The following HNRNPUL1 variants were observed in gnomAD, a reference collection of about 807,000 sequenced individuals.
HNRNPUL1 encodes heterogeneous nuclear ribonucleoprotein U like 1.
HNRNPUL1 carries 14 observed loss-of-function variants against 108.5 expected under a neutral mutation model. That is an observed-to-expected ratio of 0.13 (90% CI 0.09 to 0.20). The LOEUF is 0.20. Ranked by LOEUF, HNRNPUL1 falls within the 10% of genes least tolerant of loss-of-function variation. The probability of loss-of-function intolerance (pLI) is 1.00; values close to 1 mark genes in which losing one functional copy is unlikely to be tolerated. For missense variants in HNRNPUL1, 804 were observed against 1,168.3 expected (o/e 0.69, Z 4.55); for synonymous variants, 422 against 445.2 (o/e 0.95, Z 0.66).
rs1338328972 is a variant in HNRNPUL1, at chr19:41,294,507, G to A, written c.1389+47G>A. The A allele has an allele frequency of 1.2e-6, 2 of 1,613,706 alleles. No individual in the cohort carries two copies. The highest frequency in any genetic ancestry group is 1.3e-5 in the African/African-American group (1 of 74,926). On this transcript the variant is annotated intron_variant, in intron 9 of 14. Transcript: ENST00000392006. The surrounding 1 kb of genome is among the most constrained non-coding windows in gnomAD (Gnocchi z 4.3). ...TCCTTACTCACCTCCAACCTACTGAGTGCTGCCCTGCAACTAAAATCACTC... is the reference window on the plus strand; with the variant it reads ...TCCTTACTCACCTCCAACCTACTGAATGCTGCCCTGCAACTAAAATCACTC...
intron 7 of HNRNPUL1, chr19:41,291,799 A>G (rs1002084192): frequency 1.0e-4 from 17 of 165,340 alleles, no homozygotes; most frequent in African/African-American, 3.6e-4. Context: ...CCTGGGCAAC[A>G]TAACAAGACC....
At chr19:41,276,115 A>G in intron 4 of HNRNPUL1, 44 bp from the exon 5 acceptor site, 2 of 1,613,146 alleles carry the variant, frequency 1.2e-6, no homozygotes, top group Non-Finnish European at 1.7e-6. Context: ...AGAAAACAAA[A>G]CAAAATAAAA....
At chr19:41,301,480 GA>G in intron 10 of HNRNPUL1, 55 bp from the exon 11 acceptor site, 1 of 1,522,920 alleles carries the variant, frequency 6.6e-7, no homozygotes, top group Non-Finnish European at 8.9e-7. Context: ...CCCCTCAGAG[GA>G]AAAAACCAAC....
chr19:41,263,040 C>CAAAAAAAAAAAAAAAAAAAAA (rs761873641), upstream of HNRNPUL1: 1 of 59,216 alleles, frequency 1.7e-5, no homozygotes. Context: ...GACTCCGTCT[C>CAAAAAAAAAAAAAAAAAAAAA]AAAAAAAAAA....
intron 7 of HNRNPUL1, among the ~76,000 whole-genome samples, chr19:41,282,292 C>T (rs1412533685): frequency 6.6e-6 from 1 of 152,134 alleles, no homozygotes; most frequent in Non-Finnish European, 1.5e-5. Context: ...AAGCGATTCT[C>T]CTGCCTCAGC....
At chr19:41,282,810 C>T (rs1470951047) in intron 7 of HNRNPUL1, among the ~76,000 whole-genome samples, 2 of 149,926 alleles carry the variant, frequency 1.3e-5, no homozygotes. Flanking sequence ...CTGCCTCAGC[C>T]TCCCAAGTAG....
At chr19:41,263,659 T>C (rs888725401), upstream of HNRNPUL1, among the ~76,000 whole-genome samples, 4 of 152,244 alleles carry the variant, frequency 2.6e-5, no homozygotes, top group Admixed American at 2.6e-4. Context: ...TTACGAACTG[T>C]GTATCCACTT....
rs368980177 is a variant in HNRNPUL1 at position 41,282,317 on chromosome 19, G to T, written c.999+1042G>T. On this transcript the variant is annotated intron_variant, in intron 7 of 14. Coordinates refer to ENST00000392006, the MANE Select transcript of HNRNPUL1 (RefSeq NM_007040.6). The stretch of plus-strand genomic sequence containing the variant: ...CCTGCCTCAGCCCCCTGAGTAGCTG[G>T]GATTGCAGGCATGCACCACTACACC... Among the ~76,000 whole-genome samples the T allele has an allele frequency of 8.5e-4, 130 of 152,098 alleles. 1 individual carries two copies. The highest frequency in any genetic ancestry group is 3.1e-3 in the African/African-American group (127 of 41,472).
upstream of HNRNPUL1, among the ~76,000 whole-genome samples, chr19:41,263,495 T>C (rs1395077369): frequency 6.6e-6 from 1 of 152,236 alleles, no homozygotes; most frequent in African/African-American, 2.4e-5. Context: ...TACCCGACCA[T>C]AGAGCAAGGC....
chr19:41,291,991 A>AAC, intron 7 of HNRNPUL1: 2 of 441,852 alleles, frequency 4.5e-6, no homozygotes, highest in Non-Finnish European at 8.2e-6. Context: ...AAAAAAAAAA[A>AAC]AACAAAAAAA....
chr19:41,302,143 G>A (rs1013380572), intron 11 of HNRNPUL1, among the ~76,000 whole-genome samples: 2 of 151,292 alleles, frequency 1.3e-5, no homozygotes, highest in African/African-American at 4.9e-5. Context: ...AAACGGAGGA[G>A]TCTTTGTTAG....
At chr19:41,299,772 C>T (rs1335968184) in intron 10 of HNRNPUL1, among the ~76,000 whole-genome samples, 1 of 152,102 alleles carries the variant, frequency 6.6e-6, no homozygotes, top group Non-Finnish European at 1.5e-5. Context: ...TCATTCCACC[C>T]TGTCTCACTG....
In HNRNPUL1 at chr19:41,281,312, G is replaced by C. The variant is rs994422263; in HGVS notation, c.999+37G>C. 7.1e-6 allele frequency: 10 copies of C among 1,409,322 alleles called. No individual in the cohort carries two copies. The Admixed American group carries it at 1.7e-4, about 24-fold the overall frequency. The allele number at this position is 1,409,322 out of a possible 1,614,324, so 87.3% of individuals were successfully genotyped here. On this transcript the variant is annotated intron_variant, in intron 7 of 14. Coordinates refer to ENST00000392006, the MANE Select transcript of HNRNPUL1 (RefSeq NM_007040.6). ...CAGCCTGTGGGAGTTGGCAGAACCAGATGTTGGGCTACAGACTTCTTTTTC... is the reference window on the plus strand; with the variant it reads ...CAGCCTGTGGGAGTTGGCAGAACCACATGTTGGGCTACAGACTTCTTTTTC...
chr19:41,267,791 G>A (rs1221797272), intron 1 of HNRNPUL1, among the ~76,000 whole-genome samples: 1 of 152,188 alleles, frequency 6.6e-6, no homozygotes, highest in African/African-American at 2.4e-5. Flanking sequence ...TGGCTGCAAG[G>A]TTCTTGAGGG....
intron 10 of HNRNPUL1, 49 bp from the exon 11 acceptor site, chr19:41,301,487 C>A (rs774694285): frequency 3.1e-5 from 48 of 1,545,900 alleles, no homozygotes; most frequent in Non-Finnish European, 3.9e-5. Flanking sequence ...GAGGAAAAAA[C>A]CAACTCTTAA....
chr19:41,303,874 T>C (rs1230815220), intron 12 of HNRNPUL1, 98 bp from the exon 13 acceptor site: 4 of 1,443,848 alleles, frequency 2.8e-6, no homozygotes, highest in Non-Finnish European at 3.8e-6. Context: ...GCTCTGCGCC[T>C]GGCCATGCCG....
intron 10 of HNRNPUL1, among the ~76,000 whole-genome samples, chr19:41,295,625 C>G (rs550571840): frequency 1.4e-4 from 22 of 152,316 alleles, no homozygotes; most frequent in Non-Finnish European, 2.6e-4. Context: ...TTTGTGCTTT[C>G]TTAAGAACCT....
chr19:41,306,969 G>A lies in HNRNPUL1; in HGVS notation c.*404G>A, dbSNP rs2123035692. 1 of 158,912 alleles carries A rather than the reference G, an allele frequency of 6.3e-6. No homozygotes were observed. Among genetic ancestry groups the A allele is most frequent in the South Asian group, 2.1e-4 (1 of 4,870 alleles). The allele number at this position is 158,912 out of a possible 1,614,324, so 9.8% of individuals were successfully genotyped here. On this transcript the variant is annotated 3_prime_UTR_variant, in exon 15 of 15. Transcript: ENST00000392006. ...CCTCAGCTTCCCAGACCCTCATGCA[G>A]TTGGTTGTAAATTCTCCCAGGAGCT...
rs1272295775 is a variant in HNRNPUL1 at position 41,294,806 on chromosome 19, C to T, written c.1518+120C>T. 1.4e-5 allele frequency: 17 copies of T among 1,220,154 alleles called. No homozygotes were observed. The highest frequency in any genetic ancestry group is 7.2e-5 in the East Asian group (3 of 41,424). 75.6% of individuals were successfully genotyped at this position (1,220,154 alleles called of 1,614,324 possible). A position where few individuals can be genotyped will look rare whatever the true frequency, so the allele number is the denominator to read the frequency against. ...AATGATGATGGACTGCTGTGCTAGT[C>T]GGGGGGGTCAGACCTTGTCATACAT... is the stretch of plus-strand genomic sequence containing the variant. On this transcript the variant is annotated intron_variant, in intron 10 of 14. Coordinates refer to ENST00000392006, the MANE Select transcript of HNRNPUL1 (RefSeq NM_007040.6). This position sits in a 1 kb window ranked among gnomAD's most constrained non-coding sequence, Gnocchi z 4.3.
Sources: allele counts gnomAD v4.1 joint callset (sites outside exome capture counted in the v4.1 genomes callset), GRCh38; gene constraint gnomAD v4.1.1; non-coding constraint Gnocchi (gnomAD v3.1); transcripts MANE v1.5; gene names NCBI Gene and HGNC (gene_info 2026-07-23, HGNC 2026-07-21).